Variants in SLC12A5 observed in about 807,000 individuals in gnomAD.
SLC12A5 encodes K-Cl cotransporter 2.
In SLC12A5, 18 loss-of-function variants were observed where a neutral mutation model predicts 124.0. The ratio of observed to expected loss-of-function variants is 0.15; its 90% confidence interval spans 0.10 to 0.22. SLC12A5 has a LOEUF of 0.22. Among genes scored for constraint, SLC12A5 ranks in the 10% least tolerant of loss-of-function variants. SLC12A5 has a pLI of 1.00. For synonymous variants in SLC12A5, 589 were observed against 568.0 expected (o/e 1.04, Z -0.53); for missense variants, 867 against 1,478.7 (o/e 0.59, Z 6.78).
upstream of SLC12A5, among the ~76,000 whole-genome samples, chr20:46,025,543 G>A (rs1181811681): frequency 6.6e-6 from 1 of 152,188 alleles, no homozygotes; most frequent in East Asian, 1.9e-4. Flanking sequence ...TCCAGGTGGG[G>A]TGGGGATCGG....
chr20:46,028,585 C>T (rs371377166), upstream of SLC12A5, among the ~76,000 whole-genome samples: 6 of 152,172 alleles, frequency 3.9e-5, no homozygotes, highest in African/African-American at 7.2e-5. Flanking sequence ...GTGACCTGAA[C>T]GCCCCTGGGG....
At chr20:46,021,994 G>A (rs923867467) in intron 1 of SLC12A5, 4 of 1,270,510 alleles carry the variant, frequency 3.1e-6, no homozygotes, top group Non-Finnish European at 4.1e-6. Context: ...GGGCGGGGAG[G>A]GGTCCCAGCC....
In SLC12A5 at chr20:46,043,948, G is replaced by A. The variant is rs2145492383; in HGVS notation, c.1394+15G>A. 1.3e-6 allele frequency: 2 copies of A among 1,577,708 alleles called. No individual in the cohort carries two copies. The highest frequency in any genetic ancestry group is 2.2e-5 in the East Asian group (1 of 44,584). On this transcript the variant is annotated intron_variant, in intron 11 of 25. Coordinates refer to ENST00000243964, the MANE Select transcript of SLC12A5 (RefSeq NM_020708.5). Reference sequence around the variant, plus strand: ...CTGCGGGACAAGTAAGATAATTGGGGTTGATCCTATTCTGGGGGAGGGGTG... The same window carrying A: ...CTGCGGGACAAGTAAGATAATTGGGATTGATCCTATTCTGGGGGAGGGGTG...
upstream of SLC12A5, among the ~76,000 whole-genome samples, chr20:46,026,679 C>T (rs1035576804): frequency 4.6e-5 from 7 of 152,326 alleles, no homozygotes; most frequent in South Asian, 2.1e-4. Flanking sequence ...ATGGATTATA[C>T]GACCTAACTC....
chr20:46,028,691 C>G (rs1015287538), upstream of SLC12A5, among the ~76,000 whole-genome samples: 2 of 152,290 alleles, frequency 1.3e-5, no homozygotes, highest in South Asian at 2.1e-4. Context: ...TCTCCTCCCC[C>G]ACTTCAGGGC....
chr20:46,031,100 G>C (rs1273102574), intron 1 of SLC12A5, among the ~76,000 whole-genome samples: 2 of 152,214 alleles, frequency 1.3e-5, no homozygotes, highest in African/African-American at 4.8e-5. Flanking sequence ...TGTTCCCTCA[G>C]ACACCAGGTA....
At chr20:46,039,880 A>C (rs981709244) in intron 6 of SLC12A5, among the ~76,000 whole-genome samples, 1 of 152,190 alleles carries the variant, frequency 6.6e-6, no homozygotes, top group Non-Finnish European at 1.5e-5. Flanking sequence ...TGGGGATATC[A>C]TGATTTATTC....
At chr20:46,030,347 C>T (rs928296914) in intron 1 of SLC12A5, among the ~76,000 whole-genome samples, 19 of 152,210 alleles carry the variant, frequency 1.2e-4, no homozygotes, top group Non-Finnish European at 2.8e-4. Context: ...GGTGCGGAGA[C>T]TCGCAAGGAG....
upstream of SLC12A5, chr20:46,021,780 C>G: frequency 6.5e-7 from 1 of 1,533,484 alleles, no homozygotes; most frequent in Non-Finnish European, 8.7e-7. Flanking sequence ...GCCGCAGGTT[C>G]ACGGTCACCT....
In SLC12A5 at chr20:46,056,203, C is replaced by T. The variant is rs574591288; in HGVS notation, c.2841C>T (p.Ala947=). The part of the protein sequence containing the change: ...SRGSIRRKNP[A]NTRLRLNVPE... Reference sequence around the variant, plus strand: ...GCTCAATCCGGAGAAAGAATCCAGCCAACACGCGGCTCCGCCTGAACGTCC... The same window carrying T: ...GCTCAATCCGGAGAAAGAATCCAGCTAACACGCGGCTCCGCCTGAACGTCC... Residue 947 remains alanine (A), a synonymous_variant, in exon 22 of 26, where the codon GCC becomes GCT. Transcript: ENST00000243964. The surrounding 1 kb of genome is among the most constrained non-coding windows in gnomAD (Gnocchi z 4.3). The T allele has an allele frequency of 3.9e-5, 63 of 1,614,156 alleles. No individual in the cohort carries two copies. In the Middle Eastern group the frequency reaches 5.0e-4, roughly 13 times the overall value.
chr20:46,044,704 G>A (rs1358818975), intron 11 of SLC12A5: 1 of 499,454 alleles, frequency 2.0e-6, no homozygotes, highest in Non-Finnish European at 3.6e-6. Flanking sequence ...CCAGGCTTCT[G>A]TAAGGGAATG....
chr20:46,054,620 T>C (rs534511792), intron 20 of SLC12A5, among the ~76,000 whole-genome samples: 2 of 152,350 alleles, frequency 1.3e-5, no homozygotes, highest in African/African-American at 4.8e-5. Flanking sequence ...CCCTTCTCCA[T>C]TCACCCAGGT....
upstream of SLC12A5, among the ~76,000 whole-genome samples, chr20:46,025,605 C>G (rs2084390994): frequency 6.6e-6 from 1 of 152,078 alleles, no homozygotes; most frequent in African/African-American, 2.4e-5. Flanking sequence ...GGAAGATGGA[C>G]TGAGTCTGCA....
At chr20:46,029,646 G>T (rs2145474342) in intron 1 of SLC12A5, among the ~76,000 whole-genome samples, 1 of 152,308 alleles carries the variant, frequency 6.6e-6, no homozygotes, top group South Asian at 2.1e-4. Flanking sequence ...GCTTCGGGCT[G>T]ACTTGGGTTA....
chr20:46,052,051 G>A (rs907528736), intron 18 of SLC12A5, among the ~76,000 whole-genome samples, 181 bp downstream of exon 18: 5 of 152,190 alleles, frequency 3.3e-5, no homozygotes, highest in East Asian at 1.9e-4. Context: ...TGTGCTGGGC[G>A]CTGGGGACTC....
intron 6 of SLC12A5, among the ~76,000 whole-genome samples, chr20:46,039,363 G>T (rs1378622094): frequency 6.6e-6 from 1 of 152,120 alleles, no homozygotes; most frequent in Non-Finnish European, 1.5e-5. Context: ...ACTAATATAC[G>T]TATATATCTT....
intron 16 of SLC12A5, among the ~76,000 whole-genome samples, chr20:46,048,929 T>A (rs903699177): frequency 1.3e-5 from 2 of 150,844 alleles, no homozygotes; most frequent in African/African-American, 4.9e-5. Context: ...AAGGCAGACC[T>A]GGAGATGGAA....
intron 4 of SLC12A5, 147 bp downstream of exon 4, chr20:46,036,070 T>G: frequency 1.0e-6 from 1 of 952,526 alleles, no homozygotes; most frequent in Non-Finnish European, 1.5e-6. Flanking sequence ...TAGGCCTGAC[T>G]GGTCCTTCCT....
intron 17 of SLC12A5, among the ~76,000 whole-genome samples, chr20:46,050,193 A>C (rs968378573): frequency 6.6e-6 from 1 of 152,260 alleles, no homozygotes; most frequent in Admixed American, 6.5e-5. Flanking sequence ...CAAGGTGAGT[A>C]TCCACATTTG....
Sources: gnomAD v4.1 joint callset for allele counts (sites outside exome capture counted in the v4.1 genomes callset) on GRCh38, gnomAD v4.1.1 for gene constraint, Gnocchi (gnomAD v3.1) non-coding constraint, MANE v1.5 for transcripts, NCBI Gene and HGNC (gene_info 2026-07-23, HGNC 2026-07-21) for gene names.